The following SPATA13 variants were observed in gnomAD, a reference collection of about 807,000 sequenced individuals.
The protein encoded by SPATA13 is spermatogenesis-associated protein 13.
In SPATA13, 50 loss-of-function variants were observed where a neutral mutation model predicts 104.0. The observed-to-expected ratio is 0.48, with a 90% CI of 0.38 to 0.61. SPATA13 has a LOEUF of 0.61. Ranked by LOEUF, SPATA13 falls within the 20% of genes least tolerant of loss-of-function variation. SPATA13 has a pLI of 0.00. For missense variants in SPATA13, 1,524 were observed against 1,690.6 expected (o/e 0.90, Z 1.73); for synonymous variants, 606 against 667.5 (o/e 0.91, Z 1.42).
Position 24,172,429 on chromosome 13 carries a change from C to T in SPATA13, c.-112+11497C>T, listed in dbSNP as rs111418073. Among the ~76,000 whole-genome samples, 827 of 152,252 alleles carry T rather than the reference C, an allele frequency of 5.4e-3. 2 individuals are homozygous for T. The highest frequency in any genetic ancestry group is 8.8e-3 in the Non-Finnish European group (596 of 68,008). ...TTGGTACCAAGTCTAAGAACTCCGT[C>T]GTAGTCCTAGATCCTGAAGGTTTTC... is the stretch of plus-strand genomic sequence containing the variant. On this transcript the variant is annotated intron_variant, in intron 1 of 12. Transcript: ENST00000382108.
intron 3 of SPATA13, among the ~76,000 whole-genome samples, chr13:24,085,096 T>C (rs912212066): frequency 1.1e-4 from 16 of 152,082 alleles, no homozygotes; most frequent in Admixed American, 2.0e-4. Flanking sequence ...GAGTGTGTAG[T>C]GTGGCATGTA....
intron 4 of SPATA13, among the ~76,000 whole-genome samples, chr13:24,254,712 G>A (rs75439322): frequency 0.063 from 9,558 of 152,220 alleles, 404 homozygotes; most frequent in Non-Finnish European, 0.09. Flanking sequence ...TGGTTCCTGC[G>A]GGGAACCGTA....
intron 3 of SPATA13, among the ~76,000 whole-genome samples, chr13:24,038,037 G>T (rs1007508296): frequency 6.6e-6 from 1 of 151,688 alleles, no homozygotes; most frequent in Admixed American, 6.6e-5. Context: ...TCAGCCTCCC[G>T]AGTAGCTGGG....
intron 3 of SPATA13, among the ~76,000 whole-genome samples, chr13:24,132,180 T>C (rs560270710): frequency 3.3e-5 from 5 of 152,326 alleles, no homozygotes; most frequent in Admixed American, 6.5e-5. Flanking sequence ...ACAGGATAAA[T>C]GCCACATGCT....
At chr13:24,300,693 G>C in intron 12 of SPATA13, 1 of 550,452 alleles carries the variant, frequency 1.8e-6, no homozygotes, top group East Asian at 3.1e-5. Flanking sequence ...GTGGGCATAG[G>C]AAACCTTCAG....
At chr13:24,031,424 C>A (rs1433010669) in intron 3 of SPATA13, among the ~76,000 whole-genome samples, 1 of 152,164 alleles carries the variant, frequency 6.6e-6, no homozygotes, top group Non-Finnish European at 1.5e-5. Context: ...GAGTCCTTTT[C>A]GGTAACTTGT....
chr13:24,098,084 C>G (rs555925895), intron 3 of SPATA13, among the ~76,000 whole-genome samples: 9 of 151,732 alleles, frequency 5.9e-5, no homozygotes, highest in Non-Finnish European at 1.2e-4. Context: ...AGACCAGGCC[C>G]CAGAGAAAAA....
At chr13:24,070,025 A>C (rs1052304268) in intron 3 of SPATA13, among the ~76,000 whole-genome samples, 6 of 152,224 alleles carry the variant, frequency 3.9e-5, no homozygotes, top group Non-Finnish European at 8.8e-5. Context: ...GGATAGAGGT[A>C]AGGCTAGGCA....
At chr13:24,056,958 G>C (rs1878572833) in intron 3 of SPATA13, among the ~76,000 whole-genome samples, 1 of 147,248 alleles carries the variant, frequency 6.8e-6, no homozygotes, top group Non-Finnish European at 1.5e-5. Context: ...GCTTTAGGGC[G>C]TTTCTGGGAA....
intron 3 of SPATA13, among the ~76,000 whole-genome samples, chr13:24,135,219 A>G (rs2137839485): frequency 1.5e-5 from 1 of 66,268 alleles, no homozygotes; most frequent in South Asian, 6.5e-4. Flanking sequence ...TCATTATTCG[A>G]AAAAAAAAAT....
chr13:24,076,446 G>A (rs1879329190), intron 3 of SPATA13, among the ~76,000 whole-genome samples: 1 of 152,154 alleles, frequency 6.6e-6, no homozygotes, highest in African/African-American at 2.4e-5. Flanking sequence ...CCAAAGGATG[G>A]CCAAGTGCCT....
At chr13:24,260,658 T>C (rs1018629350) in intron 4 of SPATA13, among the ~76,000 whole-genome samples, 2 of 152,150 alleles carry the variant, frequency 1.3e-5, no homozygotes, top group African/African-American at 4.8e-5. Flanking sequence ...TTAAAGAAAA[T>C]TCTATCAAAT....
intron 2 of SPATA13, among the ~76,000 whole-genome samples, chr13:24,230,886 C>T (rs1000311231): frequency 2.6e-5 from 4 of 152,146 alleles, no homozygotes; most frequent in African/African-American, 9.7e-5. Context: ...GTGACATTGT[C>T]AGGGCAGGGA....
intron 3 of SPATA13, chr13:24,034,310 G>C (rs963658223): frequency 1.3e-5 from 2 of 152,210 alleles, no homozygotes; most frequent in African/African-American, 4.8e-5. Context: ...GAGTGAAGGA[G>C]TGTAATGGAA....
intron 3 of SPATA13, among the ~76,000 whole-genome samples, chr13:24,038,339 G>T (rs9507223): frequency 0.46 from 69,862 of 151,972 alleles, 17,054 homozygotes; most frequent in East Asian, 0.56. Context: ...ATTGTGCCAG[G>T]GGGCTTTAGT....
At chr13:24,194,563 G>A (rs545984441) in intron 1 of SPATA13, among the ~76,000 whole-genome samples, 1 of 152,310 alleles carries the variant, frequency 6.6e-6, no homozygotes, top group South Asian at 2.1e-4. Flanking sequence ...ATCCGTAACA[G>A]TTTGAGGATT....
intron 3 of SPATA13, among the ~76,000 whole-genome samples, chr13:24,063,509 C>A (rs1008554273): frequency 6.6e-6 from 1 of 152,084 alleles, no homozygotes; most frequent in Non-Finnish European, 1.5e-5. Context: ...TCCTCCCAAA[C>A]ATGCCTGCCA....
intron 4 of SPATA13, among the ~76,000 whole-genome samples, chr13:24,255,325 G>A (rs1873733338): frequency 1.3e-5 from 2 of 152,154 alleles, no homozygotes; most frequent in South Asian, 4.1e-4. Flanking sequence ...GGAGTTGAGT[G>A]AGGGCCCTCC....
At chr13:24,070,068 C>G (rs1430123867) in intron 3 of SPATA13, among the ~76,000 whole-genome samples, 2 of 152,196 alleles carry the variant, frequency 1.3e-5, no homozygotes, top group Non-Finnish European at 2.9e-5. Context: ...TTCTCAGCTC[C>G]AAGAACATAG....
Sources: gnomAD v4.1 joint callset for allele counts (sites outside exome capture counted in the v4.1 genomes callset) on GRCh38, gnomAD v4.1.1 for gene constraint, MANE v1.5 for transcripts, NCBI Gene and HGNC (gene_info 2026-07-23, HGNC 2026-07-21) for gene names.